Variants in FARP1 observed in about 807,000 individuals in gnomAD.
FARP1 encodes FERM, ARHGEF and pleckstrin domain-containing protein 1.
Under a neutral mutation model 128.8 loss-of-function variants are expected in FARP1, and 52 were observed. The ratio of observed to expected loss-of-function variants is 0.40; its 90% CI spans 0.32 to 0.51. FARP1 has a LOEUF of 0.51. Among genes scored for constraint, FARP1 ranks in the 20% least tolerant of loss-of-function variants. FARP1 has a pLI of 0.45. For synonymous variants in FARP1, 580 were observed against 551.8 expected, an observed-to-expected ratio of 1.05 and a Z score of -0.72; for missense variants, 1,333 against 1,367.9, an observed-to-expected ratio of 0.97 and a Z score of 0.40.
In FARP1 at chr13:98,446,075, T is replaced by C. The variant is rs375115166; in HGVS notation, c.2797-23T>C. 4 of 1,555,314 alleles carry C rather than the reference T, an allele frequency of 2.6e-6. No individual in the cohort carries two copies. In the African/African-American group the frequency reaches 5.4e-5, roughly 21 times the overall value. On this transcript the variant is annotated intron_variant, in intron 24 of 26. Transcript: ENST00000319562. ...CTGGGGCAGGTGCCCGCTGTGCTTC[T>C]CACAGGCCTCCTTGCCTTTCAGAAT... is the stretch of plus-strand genomic sequence containing the variant.
intron 17 of FARP1, among the ~76,000 whole-genome samples, chr13:98,428,640 C>T (rs1387471317): frequency 6.6e-6 from 1 of 152,234 alleles, no homozygotes; most frequent in Non-Finnish European, 1.5e-5. Context: ...CCTAGGCTGT[C>T]TCTCCAGACC....
intron 26 of FARP1, chr13:98,447,844 C>A (rs1212895720): frequency 5.4e-5 from 10 of 184,394 alleles, no homozygotes; most frequent in African/African-American, 1.0e-4. Flanking sequence ...GACCCTGTCT[C>A]AAAAAAAAAA....
intron 2 of FARP1, chr13:98,244,896 A>C: frequency 7.0e-7 from 1 of 1,420,948 alleles, no homozygotes. Context: ...ATCCACTCCT[A>C]AACGGGTCTC....
At chr13:98,388,285 G>T in intron 8 of FARP1, 98 bp from the exon 9 acceptor site, 1 of 836,192 alleles carries the variant, frequency 1.2e-6, no homozygotes, top group Non-Finnish European at 2.1e-6. Flanking sequence ...GCAGTCGCCT[G>T]CCAGCCCTCT....
intron 26 of FARP1, chr13:98,447,162 A>C (rs1892899041): frequency 9.5e-6 from 2 of 209,802 alleles, no homozygotes; most frequent in East Asian, 1.2e-4. Context: ...TTAGCCAAGA[A>C]AGAAATGCAA....
intron 2 of FARP1, among the ~76,000 whole-genome samples, chr13:98,249,604 T>C (rs1203376147): frequency 6.6e-6 from 1 of 152,166 alleles, no homozygotes; most frequent in Non-Finnish European, 1.5e-5. Context: ...ACCCAGCTAA[T>C]GGCCCATTGA....
At chr13:98,326,662 G>A (rs767550907) in intron 2 of FARP1, among the ~76,000 whole-genome samples, 5 of 152,182 alleles carry the variant, frequency 3.3e-5, no homozygotes, top group African/African-American at 7.2e-5. Flanking sequence ...TACCTGGTAC[G>A]TGCCCACTAG....
At position 98,449,886 on chromosome 13, in the gene FARP1, ACT is replaced by A. The variant is rs1217070113; in HGVS notation, c.*1570_*1571del. The A allele has an allele frequency of 6.6e-6, 1 of 152,258 alleles. No individual in the cohort carries two copies. Among genetic ancestry groups the A allele is most frequent in the Admixed American group, 6.6e-5 (1 of 15,258 alleles). 9.4% of individuals were successfully genotyped at this position (152,258 alleles called of 1,614,324 possible). On this transcript the variant is annotated 3_prime_UTR_variant, in exon 27 of 27. Coordinates refer to ENST00000319562, the MANE Select transcript of FARP1 (RefSeq NM_005766.4). ...GTGACACAGGGAGGGCCTGCCCCCC[ACT>A]GTTCCCTATGCTCCCCCCACCTCCA...
At chr13:98,414,057 G>A (rs986658361) in intron 16 of FARP1, among the ~76,000 whole-genome samples, 1 of 152,208 alleles carries the variant, frequency 6.6e-6, no homozygotes, top group Admixed American at 6.5e-5. Flanking sequence ...GAGAAATGCA[G>A]AGAGCTGTCT....
At chr13:98,260,936 C>T (rs540757922) in intron 2 of FARP1, among the ~76,000 whole-genome samples, 4 of 152,130 alleles carry the variant, frequency 2.6e-5, no homozygotes, top group East Asian at 1.9e-4. Flanking sequence ...AGTTAAACAC[C>T]GAGGCAGGAG....
At chr13:98,213,946 C>T (rs1204645851) in intron 2 of FARP1, among the ~76,000 whole-genome samples, 1 of 152,124 alleles carries the variant, frequency 6.6e-6, no homozygotes, top group East Asian at 1.9e-4. Context: ...CCCCACAGGG[C>T]AGGTGTGGGA....
intron 2 of FARP1, among the ~76,000 whole-genome samples, chr13:98,258,398 A>C (rs1347531031): frequency 3.9e-5 from 6 of 152,268 alleles, no homozygotes; most frequent in South Asian, 2.1e-4. Context: ...GAGTTTATGC[A>C]ATCACTGCCT....
chr13:98,176,511 G>C lies in FARP1; in HGVS notation c.-24+33019G>C. On this transcript the variant is annotated intron_variant, in intron 1 of 26. Transcript: ENST00000319562. The surrounding 1 kb of genome is among the most constrained non-coding windows in gnomAD (Gnocchi z 6.2). ...CCTCTTCCTCGCTTCCCACTTCATG[G>C]TTTTCGTCCTCGCAGATACAGTAGC... 6.2e-7 allele frequency: 1 copy of C among 1,614,114 alleles called. No homozygotes were observed. The highest frequency in any genetic ancestry group is 1.1e-5 in the South Asian group (1 of 91,078).
At chr13:98,352,434 G>C (rs1888475420) in intron 3 of FARP1, among the ~76,000 whole-genome samples, 1 of 152,174 alleles carries the variant, frequency 6.6e-6, no homozygotes, top group Admixed American at 6.5e-5. Context: ...CTACTGAGAG[G>C]GGAGCCCATA....
chr13:98,390,412 A>C (rs891950511), intron 10 of FARP1, among the ~76,000 whole-genome samples: 2 of 152,190 alleles, frequency 1.3e-5, no homozygotes, highest in Non-Finnish European at 2.9e-5. Flanking sequence ...TGCTTCATAG[A>C]ATATGTGGAC....
At chr13:98,279,312 C>G (rs768710978) in intron 2 of FARP1, among the ~76,000 whole-genome samples, 2 of 151,976 alleles carry the variant, frequency 1.3e-5, no homozygotes. Flanking sequence ...CTTTTGTTTT[C>G]CACATTGATT....
intron 1 of FARP1, among the ~76,000 whole-genome samples, chr13:98,168,171 CA>C (rs61061654): frequency 0.34 from 47,333 of 140,176 alleles, 7,538 homozygotes; most frequent in Middle Eastern, 0.43. Context: ...GACTCCATCT[CA>C]AAAAAAAAAA....
Position 98,343,660 on chromosome 13 carries a change from A to G in FARP1, c.172-102A>G, listed in dbSNP as rs1888061898. On this transcript the variant is annotated intron_variant, in intron 2 of 26. Coordinates refer to ENST00000319562, the MANE Select transcript of FARP1 (RefSeq NM_005766.4). ...GGTGGGCGGTGGCAAGCTCTGAAGG[A>G]CCTGCAGACTTAGGAATCCAGAGGT... The G allele has an allele frequency of 9.9e-6, 8 of 804,604 alleles. 1 individual carries two copies. The South Asian group carries it at 1.2e-4, about 12-fold the overall frequency. 49.8% of individuals were successfully genotyped at this position (804,604 alleles called of 1,614,324 possible).
At position 98,446,638 on chromosome 13, in the gene FARP1, G is replaced by A. The variant is rs1325083147; in HGVS notation, c.2905-28G>A. ...CAGCAGCAGAAGCTGACCCCGAAAAGCCACTTTGCTTTGTTTCCCCTTTCC... is the reference window on the plus strand; with the variant it reads ...CAGCAGCAGAAGCTGACCCCGAAAAACCACTTTGCTTTGTTTCCCCTTTCC... On this transcript the variant is annotated intron_variant, in intron 25 of 26. Transcript: ENST00000319562. 4 of 1,611,752 alleles carry A rather than the reference G, an allele frequency of 2.5e-6. No homozygotes were observed. In the Admixed American group the frequency reaches 6.7e-5, roughly 27 times the overall value.
Sources: gnomAD v4.1 joint callset for allele counts (sites outside exome capture counted in the v4.1 genomes callset) on GRCh38, gnomAD v4.1.1 for gene constraint, Gnocchi (gnomAD v3.1) non-coding constraint, MANE v1.5 for transcripts, NCBI Gene and HGNC (gene_info 2026-07-23, HGNC 2026-07-21) for gene names.